The following DLC1 variants were observed in gnomAD, a reference collection of about 807,000 sequenced individuals.
The protein encoded by DLC1 is DLC1 Rho GTPase activating protein.
DLC1 carries 54 observed loss-of-function variants against 140.3 expected under a neutral mutation model. The ratio of observed to expected loss-of-function variants is 0.38; its 90% CI spans 0.31 to 0.48. The LOEUF (loss-of-function observed/expected upper bound fraction) is 0.48. Ranked by LOEUF, DLC1 falls within the 20% of genes least tolerant of loss-of-function variation. The pLI, the probability that DLC1 is intolerant of heterozygous loss-of-function variation, is 0.96. For synonymous variants in DLC1, 986 were observed against 728.1 expected (o/e 1.35, Z -5.70); for missense variants, 2,536 against 1,907.0 (o/e 1.33, Z -6.14).
At chr8:13,312,533 T>G (rs1189345342) in intron 4 of DLC1, among the ~76,000 whole-genome samples, 1 of 151,994 alleles carries the variant, frequency 6.6e-6, no homozygotes, top group African/African-American at 2.4e-5. Context: ...TCATGACATA[T>G]CCTTCAGATA....
chr8:13,409,140 C>A lies in DLC1; in HGVS notation c.1024-7521G>T, dbSNP rs1019257832. On this transcript the variant is annotated intron_variant, in intron 2 of 17. Transcript: ENST00000276297. Reference sequence around the variant, plus strand: ...ATCCTGAGTCCAACAACTATATTTTCCTTAATATTTGTAGTTATTATTTTT... The same window carrying A: ...ATCCTGAGTCCAACAACTATATTTTACTTAATATTTGTAGTTATTATTTTT... Among the ~76,000 whole-genome samples, 11 of 152,056 alleles carry A rather than the reference C, an allele frequency of 7.2e-5. No homozygotes were observed. The South Asian group carries it at 1.2e-3, about 17-fold the overall frequency.
At chr8:13,319,821 C>CTTTTTTTTTTTTT (rs57585674) in intron 4 of DLC1, among the ~76,000 whole-genome samples, 18 of 88,998 alleles carry the variant, frequency 2.0e-4, no homozygotes, top group African/African-American at 3.2e-4. Context: ...CTCTCTCTCT[C>CTTTTTTTTTTTTT]TTTTTTTTTT....
intron 4 of DLC1, among the ~76,000 whole-genome samples, chr8:13,321,272 G>T (rs747462552): frequency 4.6e-5 from 7 of 152,110 alleles, no homozygotes; most frequent in Admixed American, 2.6e-4. Flanking sequence ...CGGCGCAATG[G>T]CTCATGCCTG....
At chr8:13,405,083 C>G (rs1476554954) in intron 2 of DLC1, among the ~76,000 whole-genome samples, 1 of 151,554 alleles carries the variant, frequency 6.6e-6, no homozygotes, top group Non-Finnish European at 1.5e-5. Context: ...TTGCTCTCGT[C>G]CTTGCTCTAT....
chr8:13,258,679 T>A (rs36119970), intron 5 of DLC1, among the ~76,000 whole-genome samples: 19,728 of 152,212 alleles, frequency 0.13, 1,344 homozygotes, highest in South Asian at 0.24. Flanking sequence ...AAAGTATCAA[T>A]GGCCTATGTA....
chr8:13,379,655 A>C (rs1836164431), intron 4 of DLC1, among the ~76,000 whole-genome samples: 2 of 152,012 alleles, frequency 1.3e-5, no homozygotes, highest in African/African-American at 4.8e-5. Context: ...ATTTTATTTT[A>C]CTTCAAGTTC....
intron 5 of DLC1, among the ~76,000 whole-genome samples, chr8:13,120,497 T>TGG (rs1361887156): frequency 1.3e-5 from 2 of 151,584 alleles, no homozygotes; most frequent in East Asian, 3.9e-4. Flanking sequence ...ATGCTTGTTT[T>TGG]GGGGGGCCTC....
chr8:13,448,483 C>G (rs971473465), intron 2 of DLC1, among the ~76,000 whole-genome samples: 2 of 151,984 alleles, frequency 1.3e-5, no homozygotes, highest in Non-Finnish European at 2.9e-5. Flanking sequence ...CTGCCTCAAC[C>G]TCTCAAGTAG....
intron 4 of DLC1, among the ~76,000 whole-genome samples, chr8:13,382,430 C>G (rs1010964574): frequency 2.2e-5 from 3 of 137,998 alleles, no homozygotes; most frequent in Non-Finnish European, 3.0e-5. Flanking sequence ...TGGCGTGAAC[C>G]CCAGGGGGCG....
At chr8:13,487,158 C>G (rs1164965850) in intron 2 of DLC1, among the ~76,000 whole-genome samples, 1 of 152,148 alleles carries the variant, frequency 6.6e-6, no homozygotes, top group African/African-American at 2.4e-5. Context: ...GTGCTTGTCA[C>G]CTCTTCTACT....
intron 1 of DLC1, among the ~76,000 whole-genome samples, chr8:13,575,722 A>T (rs545572688): frequency 2.5e-4 from 38 of 152,306 alleles, no homozygotes; most frequent in African/African-American, 9.1e-4. Flanking sequence ...CAGGCCTGTC[A>T]CCTGAAACTG....
intron 4 of DLC1, among the ~76,000 whole-genome samples, chr8:13,355,901 G>A (rs1554503672): frequency 2.7e-5 from 4 of 150,860 alleles, no homozygotes; most frequent in South Asian, 2.1e-4. Flanking sequence ...TGGCTAACAT[G>A]GTGAAACCCC....
At chr8:13,347,067 A>G (rs1430547782) in intron 4 of DLC1, among the ~76,000 whole-genome samples, 1 of 152,202 alleles carries the variant, frequency 6.6e-6, no homozygotes, top group Non-Finnish European at 1.5e-5. Context: ...ACTAAACTTT[A>G]TCATATGATG....
chr8:13,473,065 G>A (rs7830099), intron 2 of DLC1, among the ~76,000 whole-genome samples: 27,127 of 152,076 alleles, frequency 0.18, 3,819 homozygotes, highest in African/African-American at 0.39. Flanking sequence ...ACTGTTTGTG[G>A]TGCTGACTAT....
At chr8:13,408,673 A>G (rs1169952101) in intron 2 of DLC1, among the ~76,000 whole-genome samples, 1 of 152,182 alleles carries the variant, frequency 6.6e-6, no homozygotes, top group Non-Finnish European at 1.5e-5. Context: ...AAGTGCTAAA[A>G]TTAAAGATTG....
intron 2 of DLC1, among the ~76,000 whole-genome samples, chr8:13,435,240 AT>A (rs1265128398): frequency 6.6e-6 from 1 of 152,234 alleles, no homozygotes; most frequent in Non-Finnish European, 1.5e-5. Context: ...CACAACTAGA[AT>A]TAGAAGTGGG....
chr8:13,599,266 G>C (rs1180278901), intron 1 of DLC1, among the ~76,000 whole-genome samples: 1 of 151,806 alleles, frequency 6.6e-6, no homozygotes, highest in Non-Finnish European at 1.5e-5. Context: ...GAATTATAAA[G>C]ATCATTATGC....
intron 5 of DLC1, among the ~76,000 whole-genome samples, chr8:13,278,677 C>T (rs547697048): frequency 6.6e-6 from 1 of 152,188 alleles, no homozygotes; most frequent in East Asian, 1.9e-4. Context: ...ACAGTCACTC[C>T]CAGCATGAAT....
chr8:13,212,091 T>C (rs1439151520), intron 5 of DLC1, among the ~76,000 whole-genome samples: 1 of 152,248 alleles, frequency 6.6e-6, no homozygotes, highest in African/African-American at 2.4e-5. Context: ...TTTCAACAAG[T>C]TATGTTATAA....
Sources: gnomAD v4.1 joint callset for allele counts (sites outside exome capture counted in the v4.1 genomes callset) on GRCh38, gnomAD v4.1.1 for gene constraint, MANE v1.5 for transcripts, NCBI Gene and HGNC (gene_info 2026-07-23, HGNC 2026-07-21) for gene names.